Variants in DLG2 observed in about 807,000 individuals in gnomAD.
The protein encoded by DLG2 is disks large homolog 2.
Under a neutral mutation model 132.5 loss-of-function variants are expected in DLG2, and 45 were observed. The observed-to-expected ratio is 0.34, with a 90% CI of 0.27 to 0.44. The LOEUF is 0.44. Ranked by LOEUF, DLG2 falls within the 20% of genes least tolerant of loss-of-function variation. DLG2 has a pLI of 1.00. For synonymous variants in DLG2, 424 were observed against 419.6 expected (o/e 1.01, Z -0.13); for missense variants, 1,045 against 1,196.9 (o/e 0.87, Z 1.87).
At chr11:83,828,503 C>A (rs2053533917) in intron 17 of DLG2, among the ~76,000 whole-genome samples, 1 of 152,242 alleles carries the variant, frequency 6.6e-6, no homozygotes, top group Admixed American at 6.5e-5. Flanking sequence ...TAGACTTCAT[C>A]TGCTCTAGGA....
intron 21 of DLG2, among the ~76,000 whole-genome samples, chr11:83,496,851 G>T (rs2094172865): frequency 6.6e-6 from 1 of 152,174 alleles, no homozygotes; most frequent in Non-Finnish European, 1.5e-5. Context: ...GCCCATGCTA[G>T]TCTCCTAAAT....
rs186147250 is a variant in DLG2 at position 85,402,150 on chromosome 11, A to C, written c.41-116785T>G. ...CACTGGTACCAAAACAGAGATATAG[A>C]CCAATGGAACAGAACAGAGACCTCT... On this transcript the variant is annotated intron_variant, in intron 3 of 27. Coordinates refer to ENST00000376104, the MANE Select transcript of DLG2 (RefSeq NM_001142699.3). 3.3e-5 allele frequency among the ~76,000 whole-genome samples: 5 copies of C among 152,302 alleles called. 1 individual carries two copies. The highest frequency in any genetic ancestry group is 3.3e-4 in the Admixed American group (5 of 15,284).
intron 7 of DLG2, among the ~76,000 whole-genome samples, chr11:84,455,946 C>A (rs1367532): frequency 0.03 from 4,481 of 151,326 alleles, 177 homozygotes; most frequent in African/African-American, 0.093. Flanking sequence ...ATCTTTCCAG[C>A]ACATCCATTA....
At chr11:85,599,304 A>T (rs1415389605) in intron 2 of DLG2, among the ~76,000 whole-genome samples, 2 of 151,886 alleles carry the variant, frequency 1.3e-5, no homozygotes, top group Non-Finnish European at 2.9e-5. Context: ...ATACATACAC[A>T]CACGCATGCA....
chr11:85,091,264 C>A (rs1320327743), intron 6 of DLG2, among the ~76,000 whole-genome samples: 1 of 152,164 alleles, frequency 6.6e-6, no homozygotes, highest in African/African-American at 2.4e-5. Flanking sequence ...TCTCAAAAAG[C>A]CTTTACTTAA....
intron 18 of DLG2, among the ~76,000 whole-genome samples, chr11:83,768,563 TC>T (rs1241151442): frequency 6.6e-6 from 1 of 152,204 alleles, no homozygotes; most frequent in African/African-American, 2.4e-5. Flanking sequence ...ACTACCCTCT[TC>T]CCTCAATTGC....
At chr11:84,460,304 A>G (rs778312354) in intron 7 of DLG2, among the ~76,000 whole-genome samples, 19 of 150,626 alleles carry the variant, frequency 1.3e-4, no homozygotes, top group Admixed American at 3.3e-4. Flanking sequence ...GGTAGGCCAT[A>G]GAATTATTTT....
chr11:84,014,610 T>C (rs535943669), intron 11 of DLG2, among the ~76,000 whole-genome samples: 3 of 152,278 alleles, frequency 2.0e-5, no homozygotes, highest in South Asian at 2.1e-4. Flanking sequence ...CATAGTTTTA[T>C]TTAATCCTTG....
At chr11:84,452,424 G>C (rs2099054141) in intron 7 of DLG2, among the ~76,000 whole-genome samples, 1 of 151,678 alleles carries the variant, frequency 6.6e-6, no homozygotes, top group Non-Finnish European at 1.5e-5. Flanking sequence ...TATGACTAAT[G>C]TTTTAATAGG....
chr11:85,283,814 A>G (rs1269719534), intron 4 of DLG2, among the ~76,000 whole-genome samples: 1 of 151,838 alleles, frequency 6.6e-6, no homozygotes, highest in African/African-American at 2.4e-5. Context: ...ATTTGTATCC[A>G]GAGACTTAAA....
intron 11 of DLG2, among the ~76,000 whole-genome samples, chr11:84,034,128 A>T (rs2095795740): frequency 6.6e-6 from 1 of 151,942 alleles, no homozygotes; most frequent in Non-Finnish European, 1.5e-5. Context: ...AAAATTTACC[A>T]TAGCCACCCC....
intron 4 of DLG2, among the ~76,000 whole-genome samples, chr11:85,191,496 A>G (rs1219180693): frequency 2.0e-5 from 3 of 152,304 alleles, no homozygotes; most frequent in South Asian, 2.1e-4. Flanking sequence ...AGTCCTGGCT[A>G]GCTTGAAAAA....
Position 85,171,077 on chromosome 11 carries a change from A to C in DLG2, c.187-16426T>G, listed in dbSNP as rs1004951563. 7.2e-5 allele frequency among the ~76,000 whole-genome samples: 11 copies of C among 152,216 alleles called. 1 individual carries two copies. Among genetic ancestry groups the C allele is most frequent in the Non-Finnish European group, 5.9e-5 (4 of 68,030 alleles). ...AATTGTTTGGAAAAGAAGGTGATAC[A>C]CAAAATATTTACCTAAATGCAAAAT... is the stretch of plus-strand genomic sequence containing the variant. On this transcript the variant is annotated intron_variant, in intron 4 of 27. Transcript: ENST00000376104.
At chr11:84,540,253 C>A (rs2099364945) in intron 6 of DLG2, among the ~76,000 whole-genome samples, 1 of 151,288 alleles carries the variant, frequency 6.6e-6, no homozygotes, top group Non-Finnish European at 1.5e-5. Flanking sequence ...AGTGAACAGG[C>A]AACCTACAGA....
rs143973703 is a variant in DLG2, at chr11:83,739,481, A to ATATT, written c.1825+47205_1825+47208dup. Among the ~76,000 whole-genome samples, 723 of 152,298 alleles carry ATATT rather than the reference A, an allele frequency of 4.7e-3. 3 individuals carry two copies. Among genetic ancestry groups the ATATT allele is most frequent in the Middle Eastern group, 6.8e-3 (2 of 294 alleles). On this transcript the variant is annotated intron_variant, in intron 18 of 27. Transcript: ENST00000376104. Reference sequence around the variant, plus strand: ...CCTTAAATCATATAATACTTCTGTGATATTAATCAGTAAGGAAAAAGAAAG... The same window carrying ATATT: ...CCTTAAATCATATAATACTTCTGTGATATTTATTAATCAGTAAGGAAAAAGAAAG...
chr11:85,364,682 A>T (rs886826640), intron 3 of DLG2, among the ~76,000 whole-genome samples: 3 of 152,176 alleles, frequency 2.0e-5, no homozygotes, highest in African/African-American at 4.8e-5. Flanking sequence ...GGGAACATAA[A>T]CTAGACAGAA....
At chr11:85,338,728 C>G (rs1265676140) in intron 3 of DLG2, among the ~76,000 whole-genome samples, 13 of 122,192 alleles carry the variant, frequency 1.1e-4, no homozygotes, top group Non-Finnish European at 1.8e-4. Context: ...TTTTTTGAGA[C>G]GGAGTCTTGC....
chr11:84,941,591 G>A (rs947141118), intron 6 of DLG2, among the ~76,000 whole-genome samples: 21 of 151,874 alleles, frequency 1.4e-4, no homozygotes, highest in Non-Finnish European at 2.8e-4. Flanking sequence ...TGATCACAAC[G>A]AGTGATCTTT....
intron 8 of DLG2, among the ~76,000 whole-genome samples, chr11:84,183,214 C>G (rs1305182244): frequency 6.6e-6 from 1 of 152,028 alleles, no homozygotes; most frequent in South Asian, 2.1e-4. Flanking sequence ...AAGAGAAGCA[C>G]AAAAAATACT....
Sources: gnomAD v4.1 joint callset for allele counts (sites outside exome capture counted in the v4.1 genomes callset) on GRCh38, gnomAD v4.1.1 for gene constraint, MANE v1.5 for transcripts, NCBI Gene and HGNC (gene_info 2026-07-23, HGNC 2026-07-21) for gene names.